The following RABGAP1L variants were observed in gnomAD, a reference collection of about 807,000 sequenced individuals.
RABGAP1L encodes the protein RAB GTPase activating protein 1 like, also known as rab GTPase-activating protein 1-like.
RABGAP1L carries 63 observed loss-of-function variants against 137.7 expected under a neutral mutation model. The observed-to-expected ratio is 0.46, with a 90% CI of 0.37 to 0.56. The LOEUF is 0.56. RABGAP1L is among the 20% of genes least tolerant of loss of function. The pLI is 0.00. For missense variants in RABGAP1L, 1,095 were observed against 1,244.0 expected (o/e 0.88, Z 1.80); for synonymous variants, 431 against 433.7 (o/e 0.99, Z 0.08).
At chr1:174,949,103 A>G (rs949373779) in intron 19 of RABGAP1L, among the ~76,000 whole-genome samples, 1 of 152,218 alleles carries the variant, frequency 6.6e-6, no homozygotes. Flanking sequence ...TGGGATGGAC[A>G]AACCACACTT....
chr1:174,957,432 C>T, intron 19 of RABGAP1L, 25 bp from the exon 20 acceptor site: 1 of 1,570,814 alleles, frequency 6.4e-7, no homozygotes, highest in Non-Finnish European at 8.8e-7. Context: ...CCTTGTCTAA[C>T]ATGGTTTTCC....
chr1:174,394,949 G>GT (rs200599515), intron 13 of RABGAP1L, among the ~76,000 whole-genome samples: 3,494 of 142,838 alleles, frequency 0.024, 55 homozygotes, highest in Middle Eastern at 0.092. Flanking sequence ...GCTGAATTCA[G>GT]TTTTTTTTTT....
At chr1:174,611,358 A>G (rs1220814992) in intron 13 of RABGAP1L, among the ~76,000 whole-genome samples, 20 of 152,144 alleles carry the variant, frequency 1.3e-4, no homozygotes, top group African/African-American at 4.8e-4. Context: ...CAAAAATCAG[A>G]TAGTTGTAGA....
chr1:174,192,325 T>G (rs891760185), intron 1 of RABGAP1L, among the ~76,000 whole-genome samples: 2 of 149,806 alleles, frequency 1.3e-5, no homozygotes, highest in South Asian at 2.1e-4. Flanking sequence ...GGTGTTTTTT[T>G]TTTTTTTTTT....
At chr1:174,674,222 A>C (rs1320994734) in intron 14 of RABGAP1L, among the ~76,000 whole-genome samples, 1 of 149,734 alleles carries the variant, frequency 6.7e-6, no homozygotes, top group Non-Finnish European at 1.5e-5. Flanking sequence ...GTATCTCCTA[A>C]TGCTATCCTT....
intron 13 of RABGAP1L, among the ~76,000 whole-genome samples, chr1:174,493,389 C>G (rs557959065): frequency 2.0e-5 from 3 of 151,380 alleles, no homozygotes; most frequent in African/African-American, 7.3e-5. Flanking sequence ...GAATAACACT[C>G]ATGAAATTTA....
At chr1:174,672,689 T>G (rs1365251366) in intron 14 of RABGAP1L, among the ~76,000 whole-genome samples, 6 of 151,880 alleles carry the variant, frequency 4.0e-5, no homozygotes, top group Admixed American at 3.9e-4. Flanking sequence ...AATTTTAAAT[T>G]TTATTTATAA....
chr1:174,514,570 A>G (rs895755290), intron 13 of RABGAP1L, among the ~76,000 whole-genome samples: 2 of 152,200 alleles, frequency 1.3e-5, no homozygotes, highest in African/African-American at 4.8e-5. Context: ...TGCTAAGTAG[A>G]TGCATAAGAA....
intron 19 of RABGAP1L, among the ~76,000 whole-genome samples, chr1:174,936,318 A>ATTT (rs1228286043): frequency 2.0e-5 from 3 of 151,940 alleles, no homozygotes; most frequent in Non-Finnish European, 4.4e-5. Flanking sequence ...AAATAAGAAA[A>ATTT]TTAGCTGGGA....
intron 7 of RABGAP1L, among the ~76,000 whole-genome samples, chr1:174,271,078 C>G (rs976651264): frequency 1.3e-5 from 2 of 152,172 alleles, no homozygotes; most frequent in African/African-American, 4.8e-5. Context: ...GGAGAGAGAT[C>G]ATAGCAGTAT....
At chr1:174,449,207 C>T (rs1213938594) in intron 13 of RABGAP1L, 2 of 1,545,852 alleles carry the variant, frequency 1.3e-6, no homozygotes, top group African/African-American at 2.8e-5. Context: ...AAGAGAGCTA[C>T]ATAGTAAATC....
chr1:174,582,635 CAATAT>C (rs1269746405), intron 13 of RABGAP1L, among the ~76,000 whole-genome samples: 1 of 152,098 alleles, frequency 6.6e-6, no homozygotes, highest in Non-Finnish European at 1.5e-5. Context: ...CCACTTCATA[CAATAT>C]GAGTACTGAA....
intron 13 of RABGAP1L, among the ~76,000 whole-genome samples, chr1:174,582,088 C>T (rs971870468): frequency 2.0e-5 from 3 of 151,962 alleles, no homozygotes; most frequent in African/African-American, 7.3e-5. Flanking sequence ...ATGTAGGTCC[C>T]AGACTAGGTG....
chr1:174,730,708 T>A (rs1682393092), intron 17 of RABGAP1L, among the ~76,000 whole-genome samples: 1 of 152,158 alleles, frequency 6.6e-6, no homozygotes, highest in Non-Finnish European at 1.5e-5. Flanking sequence ...TGAGAAGGAA[T>A]CCTTTAGTTT....
intron 18 of RABGAP1L, among the ~76,000 whole-genome samples, chr1:174,798,240 C>CAAA (rs1161748259): frequency 1.9e-4 from 16 of 82,966 alleles, no homozygotes; most frequent in African/African-American, 4.5e-4. Context: ...ACTAAAAATA[C>CAAA]AAAAAAAAAA....
chr1:174,464,302 C>G (rs1385504391), intron 13 of RABGAP1L, among the ~76,000 whole-genome samples: 1 of 150,052 alleles, frequency 6.7e-6, no homozygotes, highest in Non-Finnish European at 1.5e-5. Flanking sequence ...CTTTCCCCAT[C>G]CTTAATTAAT....
intron 11 of RABGAP1L, among the ~76,000 whole-genome samples, chr1:174,329,852 C>T (rs541819101): frequency 6.6e-6 from 1 of 151,022 alleles, no homozygotes; most frequent in Non-Finnish European, 1.5e-5. Context: ...TATGATAAAA[C>T]CACAGCTAAC....
chr1:174,414,610 T>G (rs1314947883), intron 13 of RABGAP1L, among the ~76,000 whole-genome samples: 3 of 151,838 alleles, frequency 2.0e-5, no homozygotes, highest in Admixed American at 6.6e-5. Context: ...GCTCCATGAT[T>G]TTTTTTTAAA....
intron 17 of RABGAP1L, among the ~76,000 whole-genome samples, chr1:174,732,954 G>GTTA (rs1244020257): frequency 1.3e-5 from 2 of 151,868 alleles, no homozygotes; most frequent in Non-Finnish European, 2.9e-5. Context: ...CTGTGTGTCA[G>GTTA]ACACTTTTCT....
Sources: allele counts gnomAD v4.1 joint callset (sites outside exome capture counted in the v4.1 genomes callset), GRCh38; gene constraint gnomAD v4.1.1; transcripts MANE v1.5; gene names NCBI Gene and HGNC (gene_info 2026-07-23, HGNC 2026-07-21).